The following CDH9 variants were observed in gnomAD, a reference collection of about 807,000 sequenced individuals.
The protein encoded by CDH9 is cadherin-9.
In CDH9, 28 loss-of-function variants were observed where a neutral mutation model predicts 70.9. That is an observed-to-expected ratio of 0.40 (90% CI 0.29 to 0.54). CDH9 has a LOEUF of 0.54. Ranked by LOEUF, CDH9 falls within the 20% of genes least tolerant of loss-of-function variation. CDH9 has a pLI of 0.59. For missense variants in CDH9, 874 were observed against 984.4 expected (o/e 0.89, Z 1.50); for synonymous variants, 409 against 343.1 (o/e 1.19, Z -2.12).
At chr5:26,999,899 G>A (rs1742734513) in intron 1 of CDH9, among the ~76,000 whole-genome samples, 1 of 152,072 alleles carries the variant, frequency 6.6e-6, no homozygotes, top group Non-Finnish European at 1.5e-5. Context: ...CGAAGAAAAT[G>A]CTGAAGAATA....
At chr5:26,956,977 T>A (rs1395219561) in intron 2 of CDH9, among the ~76,000 whole-genome samples, 1 of 149,682 alleles carries the variant, frequency 6.7e-6, no homozygotes, top group Non-Finnish European at 1.5e-5. Flanking sequence ...ATTAGCATAT[T>A]GCAATGCAGT....
intron 7 of CDH9, among the ~76,000 whole-genome samples, chr5:26,897,144 C>T (rs1288609340): frequency 1.3e-5 from 2 of 151,876 alleles, no homozygotes; most frequent in East Asian, 1.9e-4. Context: ...CTGAATAGAC[C>T]AATAACAAAT....
chr5:26,966,128 C>A (rs1431713439), intron 2 of CDH9, among the ~76,000 whole-genome samples: 1 of 152,142 alleles, frequency 6.6e-6, no homozygotes, highest in Non-Finnish European at 1.5e-5. Context: ...CCATTTCACC[C>A]AAGCCCTGCC....
chr5:26,888,459 T>C (rs1740601574), intron 9 of CDH9, among the ~76,000 whole-genome samples: 2 of 151,908 alleles, frequency 1.3e-5, no homozygotes, highest in Non-Finnish European at 2.9e-5. Flanking sequence ...AAGTAATATG[T>C]AACTATGTTA....
chr5:27,037,288 C>T (rs1464181133), intron 1 of CDH9, among the ~76,000 whole-genome samples: 1 of 151,724 alleles, frequency 6.6e-6, no homozygotes, highest in Non-Finnish European at 1.5e-5. Context: ...GATTTAGAAA[C>T]CTTGTGAAAA....
chr5:26,951,945 A>ATTTAT (rs70939787), intron 2 of CDH9, among the ~76,000 whole-genome samples: 30,365 of 118,854 alleles, frequency 0.26, 4,815 homozygotes, highest in Non-Finnish European at 0.34. Flanking sequence ...TCATGTTAAA[A>ATTTAT]TTTATTTTAT....
intron 2 of CDH9, among the ~76,000 whole-genome samples, chr5:26,982,946 G>C (rs1259176837): frequency 6.6e-6 from 1 of 152,036 alleles, no homozygotes; most frequent in Admixed American, 6.6e-5. Flanking sequence ...CCGCCTCCCA[G>C]AGTGTTAGGA....
At chr5:27,002,664 G>T (rs939660967) in intron 1 of CDH9, among the ~76,000 whole-genome samples, 1 of 151,926 alleles carries the variant, frequency 6.6e-6, no homozygotes, top group Non-Finnish European at 1.5e-5. Flanking sequence ...GCAAACTAAC[G>T]CAAGGACAAA....
intron 11 of CDH9, among the ~76,000 whole-genome samples, chr5:26,883,882 T>C (rs1276793832): frequency 6.6e-6 from 1 of 152,102 alleles, no homozygotes; most frequent in African/African-American, 2.4e-5. Context: ...CTACATTTCT[T>C]CAAAATGTAC....
intron 1 of CDH9, among the ~76,000 whole-genome samples, chr5:27,036,241 T>C (rs1177138320): frequency 6.6e-6 from 1 of 151,892 alleles, no homozygotes; most frequent in Non-Finnish European, 1.5e-5. Context: ...GAATGTACCA[T>C]GGACGGGACA....
intron 1 of CDH9, among the ~76,000 whole-genome samples, chr5:27,002,364 A>G (rs1742785783): frequency 6.6e-6 from 1 of 152,274 alleles, no homozygotes; most frequent in East Asian, 1.9e-4. Context: ...CAGTGTGGTG[A>G]TTCCTCAAGG....
intron 3 of CDH9, among the ~76,000 whole-genome samples, chr5:26,908,049 G>A (rs1463586245): frequency 6.6e-6 from 1 of 152,104 alleles, no homozygotes; most frequent in Non-Finnish European, 1.5e-5. Context: ...ATGTTTGAAT[G>A]TTAACACATC....
At chr5:27,038,056 T>C (rs1743424344) in intron 1 of CDH9, among the ~76,000 whole-genome samples, 1 of 151,998 alleles carries the variant, frequency 6.6e-6, no homozygotes, top group African/African-American at 2.4e-5. Flanking sequence ...ACAAAAGTTA[T>C]GAGAAGACCA....
rs757790253 is a variant in CDH9, at chr5:26,885,714, T to C, written c.1782A>G (p.Gln594=). ...LTIRVCACDN[Q]GNMQSCTAEA... ...CTGCGGTGCAGGATTGCATGTTTCCTTGATTATCGCAGGCACACACACGGA... is the reference window on the plus strand; with the variant it reads ...CTGCGGTGCAGGATTGCATGTTTCCCTGATTATCGCAGGCACACACACGGA... The change falls in exon 11 of 12, where the codon CAA becomes CAG. Residue 594 remains glutamine, a synonymous_variant. Coordinates refer to ENST00000231021, the MANE Select transcript of CDH9 (RefSeq NM_016279.4). The C allele has an allele frequency of 5.6e-6, 9 of 1,613,714 alleles. No individual in the cohort carries two copies. The highest frequency in any genetic ancestry group is 7.6e-6 in the Non-Finnish European group (9 of 1,179,832).
chr5:26,944,058 T>A (rs1741706188), intron 2 of CDH9, among the ~76,000 whole-genome samples: 1 of 152,150 alleles, frequency 6.6e-6, no homozygotes, highest in Admixed American at 6.6e-5. Flanking sequence ...TTTCCTGTTA[T>A]TTTTGCTTTG....
At chr5:26,952,146 T>C (rs1307463089) in intron 2 of CDH9, among the ~76,000 whole-genome samples, 1 of 150,478 alleles carries the variant, frequency 6.6e-6, no homozygotes, top group Non-Finnish European at 1.5e-5. Flanking sequence ...GTATTTTTAG[T>C]AGAGACGGGG....
intron 2 of CDH9, among the ~76,000 whole-genome samples, chr5:26,963,125 CTT>C (rs1561020369): frequency 6.6e-6 from 1 of 152,074 alleles, no homozygotes; most frequent in South Asian, 2.1e-4. Flanking sequence ...TTAATCAGAA[CTT>C]ATTAAATCGC....
At chr5:27,034,770 T>C (rs1170033047) in intron 1 of CDH9, among the ~76,000 whole-genome samples, 1 of 151,608 alleles carries the variant, frequency 6.6e-6, no homozygotes, top group Non-Finnish European at 1.5e-5. Context: ...TTTGCATTTG[T>C]AATGTGGCTA....
At chr5:26,939,476 A>G (rs2112033626) in intron 2 of CDH9, among the ~76,000 whole-genome samples, 1 of 151,704 alleles carries the variant, frequency 6.6e-6, no homozygotes, top group South Asian at 2.1e-4. Context: ...ATGTATATAT[A>G]CTGTCTCTAC....
Sources: allele counts gnomAD v4.1 joint callset (sites outside exome capture counted in the v4.1 genomes callset), GRCh38; gene constraint gnomAD v4.1.1; transcripts MANE v1.5; gene names NCBI Gene and HGNC (gene_info 2026-07-23, HGNC 2026-07-21).